Variants in UTP4 observed in about 807,000 individuals in gnomAD.
UTP4 encodes U3 small nucleolar RNA-associated protein 4 homolog.
In UTP4, 45 loss-of-function variants were observed where a neutral mutation model predicts 82.4. The ratio of observed to expected loss-of-function variants is 0.55; its 90% CI spans 0.43 to 0.70. The LOEUF (loss-of-function observed/expected upper bound fraction) is 0.70. UTP4 is among the 30% of genes least tolerant of loss of function. The pLI, the probability that UTP4 is intolerant of heterozygous loss-of-function variation, is 0.00. For missense variants in UTP4, 819 were observed against 858.3 expected (o/e 0.95, Z 0.57); for synonymous variants, 348 against 300.3 (o/e 1.16, Z -1.64).
intron 5 of UTP4, among the ~76,000 whole-genome samples, chr16:69,142,481 T>G (rs1290520447): frequency 2.0e-5 from 3 of 152,202 alleles, no homozygotes; most frequent in Non-Finnish European, 4.4e-5. Context: ...ACCTTCTTAG[T>G]CAGGGCATGG....
rs1349817982 is a variant in UTP4, at chr16:69,157,236, G to A, written c.1440G>A (p.Gln480=). 1 of 1,614,018 alleles carries A rather than the reference G, an allele frequency of 6.2e-7. No individual in the cohort carries two copies. The highest frequency in any genetic ancestry group is 1.3e-5 in the African/African-American group (1 of 75,058). The change falls in exon 12 of 17, where the codon CAG becomes CAA. Residue 480 remains glutamine, a synonymous_variant. Transcript: ENST00000314423. ...SFKHLHAFQP[Q]SGTVEAMCLL... ...AGCACCTGCATGCTTTCCAGCCTCA[G>A]TCAGGTGGGAATCTGGTAACTGGCC...
chr16:69,152,596 A>G (rs1419003330), intron 8 of UTP4, among the ~76,000 whole-genome samples: 2 of 147,280 alleles, frequency 1.4e-5, no homozygotes, highest in East Asian at 4.0e-4. Flanking sequence ...CAGCCTCCCT[A>G]GTAGCTGGGA....
At chr16:69,164,614 A>ATG (rs1555495217) in intron 14 of UTP4, among the ~76,000 whole-genome samples, 1 of 132,680 alleles carries the variant, frequency 7.5e-6, no homozygotes, top group African/African-American at 3.0e-5. Flanking sequence ...ATATATATAT[A>ATG]TGTATATATA....
Position 69,150,641 on chromosome 16 carries a change from A to G in UTP4, c.843A>G (p.Lys281=). 2 of 1,614,136 alleles carry G rather than the reference A, an allele frequency of 1.2e-6. No individual in the cohort carries two copies. Among genetic ancestry groups the G allele is most frequent in the South Asian group, 2.2e-5 (2 of 91,078 alleles). ...GTGAGAAGCAGTGGGTGCGGACAAA[A>G]CCGTTCCAGCATCACACTCATGACG... ...NSSEKQWVRT[K]PFQHHTHDVR... The change falls in exon 7 of 17, where the codon AAA becomes AAG. Residue 281 remains lysine (K), a synonymous_variant. Coordinates refer to ENST00000314423, the MANE Select transcript of UTP4 (RefSeq NM_032830.3).
At chr16:69,149,169 C>G (rs1963196044) in intron 6 of UTP4, among the ~76,000 whole-genome samples, 1 of 151,988 alleles carries the variant, frequency 6.6e-6, no homozygotes, top group Non-Finnish European at 1.5e-5. Flanking sequence ...TCCCCTAGGT[C>G]AGGAGTTTGA....
chr16:69,136,840 G>A lies in UTP4; in HGVS notation c.304G>A (p.Gly102Arg). ...CAAGTATGCTATGGATGCCTTTGGA[G>A]GACCTATTTGGAGCATGGCTGCCAG... ...NIKYAMDAFG[G>R]PIWSMAASPS... The change falls in exon 3 of 17, where the codon GGA (glycine) becomes AGA (arginine). Residue 102 changes from glycine to arginine, a missense_variant. Coordinates refer to ENST00000314423, the MANE Select transcript of UTP4 (RefSeq NM_032830.3). 1.2e-6 allele frequency: 2 copies of A among 1,614,156 alleles called. No individual in the cohort carries two copies. Among genetic ancestry groups the A allele is most frequent in the Non-Finnish European group, 1.7e-6 (2 of 1,180,012 alleles).
chr16:69,151,327 T>C (rs999537011), intron 8 of UTP4, among the ~76,000 whole-genome samples: 1 of 144,996 alleles, frequency 6.9e-6, no homozygotes, highest in African/African-American at 2.5e-5. Context: ...TTTTTTTTCT[T>C]TTTTTTTTTT....
intron 6 of UTP4, among the ~76,000 whole-genome samples, chr16:69,148,613 CTTT>C (rs752824037): frequency 5.8e-5 from 8 of 138,330 alleles, no homozygotes; most frequent in Admixed American, 1.5e-4. Context: ...ATCTTCATTA[CTTT>C]TTTTTTTTTT....
intron 4 of UTP4, 142 bp from the exon 5 acceptor site, chr16:69,139,683 T>A (rs539865768): frequency 2.3e-5 from 8 of 346,698 alleles, no homozygotes; most frequent in South Asian, 1.5e-4. Context: ...AATAAATAAA[T>A]AAAATGGTGC....
rs1186882292 is a variant in UTP4, at chr16:69,165,513, T to C, written c.1820T>C (p.Ile607Thr). The change falls in exon 15 of 17, where the codon ATT (isoleucine) becomes ACT (threonine). Residue 607 changes from isoleucine (I) to threonine (T), a missense_variant. Physicochemically the swap from Ile to Thr is moderately conservative, Grantham distance 89. Coordinates refer to ENST00000314423, the MANE Select transcript of UTP4 (RefSeq NM_032830.3). ...CATGATGCCTACATGTTCTGCATCA[T>C]TGACAAGTCATTGGTGAGTTCTTCA... ...LLHDAYMFCI[I>T]DKSLPLPNDK... is the part of the protein sequence containing the mutation. 6.2e-7 allele frequency: 1 copy of C among 1,614,036 alleles called. No individual in the cohort carries two copies. Among genetic ancestry groups the C allele is most frequent in the South Asian group, 1.1e-5 (1 of 91,084 alleles).
chr16:69,157,262 A>G (rs137947259), intron 12 of UTP4, 22 bp downstream of exon 12: 3 of 1,613,098 alleles, frequency 1.9e-6, no homozygotes, highest in Non-Finnish European at 2.5e-6. Context: ...GTAACTGGCC[A>G]TGGGGAGACT....
Position 69,160,359 on chromosome 16 carries a change from C to G in UTP4, c.1448C>G (p.Thr483Arg), listed in dbSNP as rs1454136810. Residue 483 changes from threonine to arginine, a missense_variant, in exon 13 of 17, where the codon ACA (threonine) becomes AGA (arginine). By Grantham distance (71) the Thr-to-Arg change is moderately conservative. Coordinates refer to ENST00000314423, the MANE Select transcript of UTP4 (RefSeq NM_032830.3). The part of the protein sequence containing the change: ...HLHAFQPQSG[T>R]VEAMCLLAVS... ...TGTAACTGTTTTGTCCTCACAGGAA[C>G]AGTGGAGGCCATGTGTCTTTTGGCA... 1 of 1,613,304 alleles carries G rather than the reference C, an allele frequency of 6.2e-7. No individual in the cohort carries two copies. The highest frequency in any genetic ancestry group is 1.1e-5 in the South Asian group (1 of 91,062).
chr16:69,159,520 T>G (rs1161369809), intron 12 of UTP4, among the ~76,000 whole-genome samples: 3 of 151,994 alleles, frequency 2.0e-5, no homozygotes, highest in Non-Finnish European at 4.4e-5. Flanking sequence ...AAACCCCATC[T>G]CTACTAAATA....
chr16:69,142,646 T>C (rs983386250), intron 5 of UTP4, among the ~76,000 whole-genome samples: 7 of 152,208 alleles, frequency 4.6e-5, no homozygotes, highest in African/African-American at 1.7e-4. Context: ...ACCTGGGACT[T>C]AGTTTCAGGG....
chr16:69,140,686 TCC>T (rs768810340), intron 5 of UTP4, among the ~76,000 whole-genome samples: 29 of 151,404 alleles, frequency 1.9e-4, no homozygotes, highest in Non-Finnish European at 2.7e-4. Context: ...AAAAAAAAAA[TCC>T]CTTAAGCTTA....
chr16:69,142,856 C>T (rs2152277958), intron 5 of UTP4, among the ~76,000 whole-genome samples: 1 of 152,312 alleles, frequency 6.6e-6, no homozygotes, highest in South Asian at 2.1e-4. Context: ...TCTTCCCTCC[C>T]TTCCTCCCTC....
chr16:69,153,534 C>A, intron 8 of UTP4, 50 bp from the exon 9 acceptor site: 2 of 1,279,434 alleles, frequency 1.6e-6, no homozygotes, highest in Non-Finnish European at 2.3e-6. Flanking sequence ...GGTACTAAGG[C>A]AGTAGATGAC....
chr16:69,144,865 G>A (rs1379325701), intron 6 of UTP4, among the ~76,000 whole-genome samples: 1 of 152,166 alleles, frequency 6.6e-6, no homozygotes, highest in Non-Finnish European at 1.5e-5. Context: ...TTATTGGCCG[G>A]GCATGGTGAC....
chr16:69,148,968 G>A (rs1257492215), intron 6 of UTP4, among the ~76,000 whole-genome samples: 1 of 151,830 alleles, frequency 6.6e-6, no homozygotes. Flanking sequence ...GTTTTTTCTT[G>A]TTTATTTCTT....
Sources: gnomAD v4.1 joint callset for allele counts (sites outside exome capture counted in the v4.1 genomes callset) on GRCh38, gnomAD v4.1.1 for gene constraint, MANE v1.5 for transcripts, NCBI Gene and HGNC (gene_info 2026-07-23, HGNC 2026-07-21) for gene names.